ARHGEF2: variants seen among roughly 807,000 people sequenced by gnomAD.
The protein encoded by ARHGEF2 is Rho/Rac guanine nucleotide exchange factor 2, also known as rho guanine nucleotide exchange factor 2.
ARHGEF2 carries 22 observed loss-of-function variants against 121.0 expected under a neutral mutation model. The observed-to-expected ratio is 0.18, with a 90% confidence interval of 0.13 to 0.26. The LOEUF (loss-of-function observed/expected upper bound fraction) is 0.26, where lower values mean the gene tolerates loss of function less well. Among genes scored for constraint, ARHGEF2 ranks in the 10% least tolerant of loss-of-function variants. The pLI is 1.00. For missense variants in ARHGEF2, 907 were observed against 1,336.0 expected (o/e 0.68, Z 5.01); for synonymous variants, 487 against 530.0 (o/e 0.92, Z 1.11).
chr1:155,957,671 CCT>C, intron 13 of ARHGEF2, 40 bp downstream of exon 13: 12 of 1,571,300 alleles, frequency 7.6e-6, no homozygotes, highest in Non-Finnish European at 1.0e-5. Context: ...CTGCAGGTAC[CCT>C]GAGGTCATAA....
intron 2 of ARHGEF2, chr1:155,968,170 A>G (rs1679800310): frequency 6.6e-6 from 1 of 151,412 alleles, no homozygotes; most frequent in Non-Finnish European, 1.5e-5. Context: ...CAGTGAGGAA[A>G]GTAGGGAGGC....
intron 1 of ARHGEF2, chr1:155,972,297 G>T: frequency 2.2e-6 from 1 of 463,840 alleles, no homozygotes. Flanking sequence ...CCAGCAGCGG[G>T]CAGCAGCCAC....
At chr1:155,952,887 T>C (rs905458486) in intron 14 of ARHGEF2, 59 bp from the exon 15 acceptor site, 267 of 1,550,424 alleles carry the variant, frequency 1.7e-4, no homozygotes, top group Middle Eastern at 3.4e-4. Flanking sequence ...AGAGCGCCAG[T>C]AGAGGACAGC....
Position 155,947,036 on chromosome 1 carries a change from C to T in ARHGEF2, c.*906G>A, listed in dbSNP as rs1424064755. The T allele has an allele frequency of 5.4e-6, 1 of 184,134 alleles. No individual in the cohort carries two copies. The highest frequency in any genetic ancestry group is 1.2e-5 in the Non-Finnish European group (1 of 85,912). 11.4% of individuals were successfully genotyped at this position (184,134 alleles called of 1,614,324 possible). A position where few individuals can be genotyped will look rare whatever the true frequency, so the allele number is the denominator to read the frequency against. On this transcript the variant is annotated 3_prime_UTR_variant, in exon 22 of 22. Transcript: ENST00000361247. ...GCTGAGGTGGAAGATGAGGTCAGGG[C>T]TCTTGGAGATTTTCCAACCCACCCT... is the stretch of plus-strand genomic sequence containing the variant.
At chr1:155,958,030 G>A in intron 12 of ARHGEF2, 148 bp from the exon 13 acceptor site, 2 of 810,212 alleles carry the variant, frequency 2.5e-6, no homozygotes, top group Non-Finnish European at 1.9e-6. Context: ...CCAGCCAGAA[G>A]GGACTTAGAA....
At position 155,965,458 on chromosome 1, in the gene ARHGEF2, G is replaced by A; in HGVS notation, c.471-46C>T. On this transcript the variant is annotated intron_variant, in intron 5 of 21. Transcript: ENST00000361247. This position sits in a 1 kb window ranked among gnomAD's most constrained non-coding sequence, Gnocchi z 6.0. ...CTGCATCACCCCCAGTCGGGCAAAA[G>A]ATCCCTTCCCAGGTAGGGAACCAAA... 1 of 1,603,008 alleles carries A rather than the reference G, an allele frequency of 6.2e-7. No individual in the cohort carries two copies. Among genetic ancestry groups the A allele is most frequent in the Non-Finnish European group, 8.5e-7 (1 of 1,170,244 alleles).
At chr1:155,968,635 ATCT>A (rs1174520459) in intron 2 of ARHGEF2, 6 of 154,068 alleles carry the variant, frequency 3.9e-5, no homozygotes, top group Admixed American at 2.6e-4. Flanking sequence ...TCCTAATCAC[ATCT>A]TCTGCTTGAA....
At chr1:155,952,876 A>G (rs770885714) in intron 14 of ARHGEF2, 48 bp from the exon 15 acceptor site, 1 of 1,595,202 alleles carries the variant, frequency 6.3e-7, no homozygotes, top group Non-Finnish European at 8.6e-7. Context: ...AGGGGTATGC[A>G]AGAGCGCCAG....
In ARHGEF2 at chr1:155,965,639, G is replaced by A. The variant is rs1488253909; in HGVS notation, c.462C>T (p.Asn154=). ...LSLAKSVSTT[N]IAGHFNDESP... is the part of the protein sequence containing the mutation. ...CCCAAACAGAGGCTCACCCAGCAAT[G>A]TTGGTGGTAGAAACACTCTTGGCTA... Residue 154 remains asparagine (N), a synonymous_variant, in exon 5 of 22, where the codon AAC becomes AAT. Coordinates refer to ENST00000361247, the MANE Select transcript of ARHGEF2 (RefSeq NM_001162383.2). This position sits in a 1 kb window ranked among gnomAD's most constrained non-coding sequence, Gnocchi z 6.0. The A allele has an allele frequency of 6.2e-7, 1 of 1,612,844 alleles. No homozygotes were observed.
rs373698653 is a variant in ARHGEF2, at chr1:155,951,096, C to T, written c.2436G>A (p.Ala812=). 1.6e-5 allele frequency: 25 copies of T among 1,601,842 alleles called. No homozygotes were observed. Among genetic ancestry groups the T allele is most frequent in the Admixed American group, 3.4e-5 (2 of 58,426 alleles). Residue 812 remains alanine, a synonymous_variant, in exon 20 of 22, where the codon GCG becomes GCA. Transcript: ENST00000361247. The surrounding 1 kb of genome is among the most constrained non-coding windows in gnomAD (Gnocchi z 5.1). ...TELALLQRQH[A]LLQEELRRCR... ...AGCGCCGTAGCTCCTCCTGCAGCAG[C>T]GCATGTTGCCGCTGCAGTAATGCCA...
chr1:155,954,185 C>T (rs1158078595), intron 14 of ARHGEF2, among the ~76,000 whole-genome samples: 1 of 151,190 alleles, frequency 6.6e-6, no homozygotes, highest in African/African-American at 2.4e-5. Flanking sequence ...TTTTGTTGCC[C>T]AGACTGGTCT....
In ARHGEF2 at chr1:155,957,835, A is replaced by G. The variant is rs1351594463; in HGVS notation, c.1593T>C (p.Ile531=). The G allele has an allele frequency of 1.9e-6, 3 of 1,614,196 alleles. No individual in the cohort carries two copies. The highest frequency in any genetic ancestry group is 2.5e-6 in the Non-Finnish European group (3 of 1,180,044). Residue 531 remains isoleucine, a synonymous_variant, in exon 13 of 22, where the codon ATT becomes ATC. Coordinates refer to ENST00000361247, the MANE Select transcript of ARHGEF2 (RefSeq NM_001162383.2). ...GAAACATCCCTTTCTCCTGGTTGGCAATGTCTCGTACGATTAGATTCTGCA... is the reference window on the plus strand; with the variant it reads ...GAAACATCCCTTTCTCCTGGTTGGCGATGTCTCGTACGATTAGATTCTGCA... ...VSLQNLIVRD[I]ANQEKGMFLI... is the part of the protein sequence containing the mutation.
rs754257142 is a variant in ARHGEF2 at position 155,952,843 on chromosome 1, C to T, written c.1784-15G>A. 3.7e-6 allele frequency: 6 copies of T among 1,613,896 alleles called. No homozygotes were observed. The highest frequency in any genetic ancestry group is 4.5e-5 in the East Asian group (2 of 44,878). ...CTGCAACTCCACTGCAGATAAGGAA[C>T]AAGTGAGGACATGAGAGGACGTAGG... is the stretch of plus-strand genomic sequence containing the variant. On this transcript the variant is annotated splice_polypyrimidine_tract_variant and intron_variant, in intron 14 of 21. Coordinates refer to ENST00000361247, the MANE Select transcript of ARHGEF2 (RefSeq NM_001162383.2).
chr1:155,951,872 C>G lies in ARHGEF2; in HGVS notation c.2172+47G>C. 4 of 1,612,482 alleles carry G rather than the reference C, an allele frequency of 2.5e-6. No homozygotes were observed. The highest frequency in any genetic ancestry group is 3.4e-6 in the Non-Finnish European group (4 of 1,179,200). Reference sequence around the variant, plus strand: ...TGTTGAGGATCCAGAGGCTGGCTGTCCCTCTCCCACCCTCTTGCCAAGTCC... The same window carrying G: ...TGTTGAGGATCCAGAGGCTGGCTGTGCCTCTCCCACCCTCTTGCCAAGTCC... On this transcript the variant is annotated intron_variant, in intron 17 of 21. Coordinates refer to ENST00000361247, the MANE Select transcript of ARHGEF2 (RefSeq NM_001162383.2). The surrounding 1 kb of genome is among the most constrained non-coding windows in gnomAD (Gnocchi z 5.1).
chr1:155,978,470 CG>C lies in ARHGEF2; in HGVS notation c.-44del. Reference sequence around the variant, plus strand: ...AGGGAGGACGCGGCGCGGACCCCGGCGTCCTGTATTGTTGGGGGAAGGCGGG... The same window carrying C: ...AGGGAGGACGCGGCGCGGACCCCGGCTCCTGTATTGTTGGGGGAAGGCGGG... On this transcript the variant is annotated 5_prime_UTR_variant, in exon 1 of 22. Transcript: ENST00000361247. This position sits in a 1 kb window ranked among gnomAD's most constrained non-coding sequence, Gnocchi z 4.1. The C allele has an allele frequency of 7.0e-7, 1 of 1,421,932 alleles. No individual in the cohort carries two copies. The highest frequency in any genetic ancestry group is 9.4e-7 in the Non-Finnish European group (1 of 1,069,322). 88.1% of individuals were successfully genotyped at this position (1,421,932 alleles called of 1,614,324 possible).
chr1:155,959,678 G>A (rs1465277245), intron 11 of ARHGEF2, among the ~76,000 whole-genome samples: 1 of 152,048 alleles, frequency 6.6e-6, no homozygotes, highest in Non-Finnish European at 1.5e-5. Flanking sequence ...CCAAGTAGCT[G>A]TGGCTACAGG....
In ARHGEF2 at chr1:155,965,249, C is replaced by T; in HGVS notation, c.580+54G>A. On this transcript the variant is annotated intron_variant, in intron 6 of 21. Transcript: ENST00000361247. The surrounding 1 kb of genome is among the most constrained non-coding windows in gnomAD (Gnocchi z 6.0). ...CAGGCTACTCCCACCAGCCTCTCAT[C>T]CCCCAGCCCCTCTTCATGTTCCTCA... 6.2e-7 allele frequency: 1 copy of T among 1,605,360 alleles called. No homozygotes were observed.
intron 2 of ARHGEF2, among the ~76,000 whole-genome samples, chr1:155,967,707 C>T (rs1001458572): frequency 1.3e-5 from 2 of 152,164 alleles, no homozygotes; most frequent in African/African-American, 4.8e-5. Context: ...CCATCCTCCA[C>T]CCCACCTTGC....
chr1:155,951,956 A>G lies in ARHGEF2; in HGVS notation c.2135T>C (p.Ile712Thr), dbSNP rs775888724. ...GTCTGAGTCAGCTCTGCAGAGTTCA[A>G]TGGAGCCATTGAAGGTTCTGGCCTC... ...NGEARTFNGS[I>T]ELCRADSDSS... Residue 712 changes from isoleucine to threonine, a missense_variant, in exon 17 of 22, where the codon ATT (isoleucine) becomes ACT (threonine). This residue lies in a region of ARHGEF2 where 432 missense variants were observed against 559.5 expected (regional missense o/e 0.77). Coordinates refer to ENST00000361247, the MANE Select transcript of ARHGEF2 (RefSeq NM_001162383.2). This position sits in a 1 kb window ranked among gnomAD's most constrained non-coding sequence, Gnocchi z 5.1. 2.1e-5 allele frequency: 34 copies of G among 1,614,000 alleles called. No homozygotes were observed. Among genetic ancestry groups the G allele is most frequent in the African/African-American group, 4.0e-5 (3 of 74,894 alleles).
Sources: gnomAD v4.1 joint callset for allele counts (sites outside exome capture counted in the v4.1 genomes callset) on GRCh38, gnomAD v4.1.1 for gene constraint, gnomAD v4.1.1 regional missense constraint, Gnocchi (gnomAD v3.1) non-coding constraint, MANE v1.5 for transcripts, NCBI Gene and HGNC (gene_info 2026-07-23, HGNC 2026-07-21) for gene names.